Variants in SAXO1 observed in about 807,000 individuals in gnomAD.
SAXO1 encodes 4930500O09Rik.
SAXO1 carries 21 observed loss-of-function variants against 17.5 expected under a neutral mutation model. The ratio of observed to expected loss-of-function variants is 1.20; its 90% CI spans 0.85 to 1.72. The LOEUF (loss-of-function observed/expected upper bound fraction) is 1.72. SAXO1 is among the 40% of genes most tolerant of loss of function. The probability of loss-of-function intolerance (pLI) is 0.00; values close to 1 mark genes in which losing one functional copy is unlikely to be tolerated. For missense variants in SAXO1, 843 were observed against 596.0 expected (o/e 1.41, Z -4.32); for synonymous variants, 274 against 216.5 (o/e 1.27, Z -2.33).
At chr9:19,038,723 T>A (rs886391181) in intron 1 of SAXO1, among the ~76,000 whole-genome samples, 5 of 151,776 alleles carry the variant, frequency 3.3e-5, no homozygotes, top group African/African-American at 1.2e-4. Flanking sequence ...AACCTGCACA[T>A]TGTGCACATG....
intron 3 of SAXO1, among the ~76,000 whole-genome samples, chr9:18,940,803 G>A (rs1831519715): frequency 6.6e-6 from 1 of 152,100 alleles, no homozygotes; most frequent in Admixed American, 6.5e-5. Flanking sequence ...GAAAGTCAAG[G>A]GCAGGCCATT....
chr9:19,045,182 C>G (rs923452845), intron 1 of SAXO1, among the ~76,000 whole-genome samples: 1 of 150,572 alleles, frequency 6.6e-6, no homozygotes, highest in South Asian at 2.1e-4. Flanking sequence ...CGGTGGCGGG[C>G]GCCTGTAGTC....
At chr9:18,971,064 G>C (rs751280992) in intron 1 of SAXO1, among the ~76,000 whole-genome samples, 2 of 152,070 alleles carry the variant, frequency 1.3e-5, no homozygotes, top group Non-Finnish European at 2.9e-5. Flanking sequence ...CCCAACCCCA[G>C]TCCGACCTGC....
At chr9:18,938,445 A>C (rs1338145294) in intron 3 of SAXO1, among the ~76,000 whole-genome samples, 2 of 152,072 alleles carry the variant, frequency 1.3e-5, no homozygotes, top group African/African-American at 4.8e-5. Context: ...CAGGACAGAG[A>C]GCGCGAGTCG....
At chr9:19,033,962 C>G (rs1264230211), upstream of SAXO1, among the ~76,000 whole-genome samples, 3 of 152,150 alleles carry the variant, frequency 2.0e-5, no homozygotes, top group South Asian at 4.1e-4. Flanking sequence ...TTCAGCTTAC[C>G]TGATCCCGAG....
chr9:18,994,787 T>G (rs1237966089), intron 1 of SAXO1, among the ~76,000 whole-genome samples: 1 of 152,168 alleles, frequency 6.6e-6, no homozygotes, highest in East Asian at 1.9e-4. Context: ...TGAAAGCTAT[T>G]AGCAGTTCCA....
Position 18,927,983 on chromosome 9 carries a change from C to T in SAXO1, c.*69G>A. 7.0e-7 allele frequency: 1 copy of T among 1,428,650 alleles called. No individual in the cohort carries two copies. The highest frequency in any genetic ancestry group is 9.3e-7 in the Non-Finnish European group (1 of 1,078,346). 88.5% of individuals were successfully genotyped at this position (1,428,650 alleles called of 1,614,324 possible). On this transcript the variant is annotated 3_prime_UTR_variant, in exon 4 of 4. Transcript: ENST00000380534. ...GTCATTTTAGGGAATTCTTTTTTGT[C>T]CAACAAATAATTCTCAGTTGTCTGC... is the stretch of plus-strand genomic sequence containing the variant.
chr9:18,932,053 T>C (rs566514763), intron 3 of SAXO1, among the ~76,000 whole-genome samples: 13 of 152,352 alleles, frequency 8.5e-5, no homozygotes, highest in African/African-American at 3.1e-4. Context: ...CCAAAGGTTT[T>C]GAATTGCGAT....
intron 1 of SAXO1, among the ~76,000 whole-genome samples, chr9:18,970,592 C>A (rs1451027085): frequency 2.6e-5 from 4 of 152,202 alleles, no homozygotes; most frequent in Admixed American, 6.5e-5. Context: ...AATCTATCTA[C>A]ACGCATATGA....
At chr9:19,048,369 A>G (rs1836269864) in intron 1 of SAXO1, among the ~76,000 whole-genome samples, 1 of 152,172 alleles carries the variant, frequency 6.6e-6, no homozygotes, top group Non-Finnish European at 1.5e-5. Context: ...AGGCAGGAGA[A>G]TCGCTTGAAC....
At chr9:19,017,184 A>T (rs955297185) in intron 1 of SAXO1, among the ~76,000 whole-genome samples, 3 of 152,146 alleles carry the variant, frequency 2.0e-5, no homozygotes, top group African/African-American at 7.2e-5. Flanking sequence ...AGAGAGAAAG[A>T]AAAAGAAAAA....
Position 18,928,708 on chromosome 9 carries a change from G to T in SAXO1, c.769C>A (p.Pro257Thr), listed in dbSNP as rs748136957. 12 of 1,614,062 alleles carry T rather than the reference G, an allele frequency of 7.4e-6. No homozygotes were observed. Among genetic ancestry groups the T allele is most frequent in the African/African-American group, 6.7e-5 (5 of 74,922 alleles). Residue 257 changes from proline to threonine, a missense_variant, in exon 4 of 4, where the codon CCT becomes ACT. Transcript: ENST00000380534. ...TCTAGCCCAGGAGGCCTGGCTAGAG[G>T]TTTCAAGCTCTTGGCAGGCTCCCCC... is the stretch of plus-strand genomic sequence containing the variant. Reference protein sequence around the residue: ...LMGEPAKSLKPLARPPGLDMP... With the variant: ...LMGEPAKSLKTLARPPGLDMP...
intron 1 of SAXO1, among the ~76,000 whole-genome samples, chr9:19,010,141 C>A (rs1834664566): frequency 1.4e-5 from 1 of 70,102 alleles, no homozygotes; most frequent in African/African-American, 7.3e-5. Flanking sequence ...CATTTTTAAT[C>A]TAAAAAAAAA....
intron 2 of SAXO1, among the ~76,000 whole-genome samples, chr9:18,946,812 A>G: frequency 6.6e-6 from 1 of 152,188 alleles, no homozygotes; most frequent in Non-Finnish European, 1.5e-5. Context: ...TAGAAACTAT[A>G]TAAAACAAGA....
chr9:19,037,587 C>G (rs1212962063), upstream of SAXO1, among the ~76,000 whole-genome samples: 2 of 152,132 alleles, frequency 1.3e-5, no homozygotes, highest in Non-Finnish European at 2.9e-5. Flanking sequence ...GTAAGAAGTG[C>G]CTTTCACCTC....
intron 1 of SAXO1, among the ~76,000 whole-genome samples, chr9:18,962,725 T>G (rs978686916): frequency 1.3e-5 from 2 of 152,234 alleles, no homozygotes; most frequent in Admixed American, 6.5e-5. Context: ...ATGGACAGAT[T>G]GCAAAAATTT....
rs1052137808 is a variant in SAXO1, at chr9:18,951,086, T to A, written c.39-149A>T. 80 of 784,694 alleles carry A rather than the reference T, an allele frequency of 1.0e-4. No homozygotes were observed. In the African/African-American group the frequency reaches 1.3e-3, roughly 12 times the overall value. The allele number at this position is 784,694 out of a possible 1,614,324, so 48.6% of individuals were successfully genotyped here. A position where few individuals can be genotyped will look rare whatever the true frequency, so the allele number is the denominator to read the frequency against. ...GAATTCAACGGTTACTTTTTTCCAC[T>A]AAACTACGTGAAGTGGCCAGAATAT... On this transcript the variant is annotated intron_variant, in intron 1 of 3. Coordinates refer to ENST00000380534, the MANE Select transcript of SAXO1 (RefSeq NM_153707.4).
chr9:19,000,560 C>A (rs901806838), intron 1 of SAXO1, among the ~76,000 whole-genome samples: 2 of 152,138 alleles, frequency 1.3e-5, no homozygotes, highest in Non-Finnish European at 2.9e-5. Flanking sequence ...AGCACCTCTG[C>A]CCATACGCCC....
At chr9:18,930,273 G>T (rs576388650) in intron 3 of SAXO1, among the ~76,000 whole-genome samples, 53 of 152,306 alleles carry the variant, frequency 3.5e-4, no homozygotes, top group African/African-American at 1.3e-3. Flanking sequence ...CTCTGCTGTG[G>T]GGCTGGAATG....
Sources: allele counts gnomAD v4.1 joint callset (sites outside exome capture counted in the v4.1 genomes callset), GRCh38; gene constraint gnomAD v4.1.1; transcripts MANE v1.5; gene names NCBI Gene and HGNC (gene_info 2026-07-23, HGNC 2026-07-21).